Variants in PLCE1 observed in about 807,000 individuals in gnomAD.
PLCE1 encodes the protein phospholipase C epsilon 1.
A neutral mutation model predicts 242.8 loss-of-function variants in PLCE1; 119 were observed. That is an observed-to-expected ratio of 0.49 (90% CI 0.42 to 0.57). The LOEUF (loss-of-function observed/expected upper bound fraction) is 0.57. Ranked by LOEUF, PLCE1 falls within the 20% of genes least tolerant of loss-of-function variation. The pLI, the probability that PLCE1 is intolerant of heterozygous loss-of-function variation, is 0.00. For synonymous variants in PLCE1, 945 were observed against 1,017.4 expected, an observed-to-expected ratio of 0.93 and a Z score of 1.35; for missense variants, 2,441 against 2,788.8, an observed-to-expected ratio of 0.88 and a Z score of 2.81.
intron 14 of PLCE1, among the ~76,000 whole-genome samples, chr10:94,263,778 CATATT>C (rs1211221840): frequency 4.6e-5 from 7 of 151,942 alleles, no homozygotes; most frequent in East Asian, 1.9e-4. Flanking sequence ...TTTTCTTTAA[CATATT>C]ATATGTTCTT....
At chr10:94,220,596 T>G (rs1351530699) in intron 4 of PLCE1, among the ~76,000 whole-genome samples, 1 of 151,494 alleles carries the variant, frequency 6.6e-6, no homozygotes, top group Non-Finnish European at 1.5e-5. Context: ...AGTTAGGAAG[T>G]GGGATTTAGA....
chr10:94,231,795 T>G (rs1184167094), intron 5 of PLCE1, among the ~76,000 whole-genome samples: 2 of 152,146 alleles, frequency 1.3e-5, no homozygotes, highest in African/African-American at 2.4e-5. Context: ...ACATGCACAG[T>G]TCACAGTAGG....
chr10:94,171,804 C>G (rs2047988975), intron 4 of PLCE1, among the ~76,000 whole-genome samples: 1 of 152,112 alleles, frequency 6.6e-6, no homozygotes, highest in South Asian at 2.1e-4. Flanking sequence ...TCTCCCCTAC[C>G]AACCCCTCAT....
intron 29 of PLCE1, among the ~76,000 whole-genome samples, chr10:94,317,401 T>C (rs2053613099): frequency 6.6e-6 from 1 of 152,216 alleles, no homozygotes; most frequent in South Asian, 2.1e-4. Flanking sequence ...TTTGTATGTG[T>C]GAAAAGACAT....
At chr10:94,264,827 T>A (rs2051455400) in intron 14 of PLCE1, among the ~76,000 whole-genome samples, 1 of 152,130 alleles carries the variant, frequency 6.6e-6, no homozygotes. Flanking sequence ...GCTGATTTAT[T>A]TTTTATGAGA....
In PLCE1 at chr10:94,264,512, A is replaced by ATTTTTT. The variant is rs59860171; in HGVS notation, c.4054-1113_4054-1108dup. On this transcript the variant is annotated intron_variant, in intron 14 of 32. Coordinates refer to ENST00000371380, the MANE Select transcript of PLCE1 (RefSeq NM_016341.4). ...TTGAGCAGGGGAGTAACATGATTTG[A>ATTTTTT]TTTTTTTTTTTTTTTTTTTTTTTTT... Among the ~76,000 whole-genome samples, 12 of 73,104 alleles carry ATTTTTT rather than the reference A, an allele frequency of 1.6e-4. 1 individual carries two copies. Among genetic ancestry groups the ATTTTTT allele is most frequent in the East Asian group, 1.0e-3 (2 of 2,002 alleles). 48.0% of individuals were successfully genotyped at this position (73,104 alleles called of 152,430 possible).
intron 7 of PLCE1, among the ~76,000 whole-genome samples, chr10:94,237,767 A>C (rs187999549): frequency 6.6e-6 from 1 of 152,164 alleles, no homozygotes; most frequent in Non-Finnish European, 1.5e-5. Flanking sequence ...ATCAGTAAGC[A>C]CTATTTCTGT....
At chr10:94,195,166 T>G (rs1432433092) in intron 4 of PLCE1, among the ~76,000 whole-genome samples, 1 of 152,200 alleles carries the variant, frequency 6.6e-6, no homozygotes, top group Non-Finnish European at 1.5e-5. Context: ...TTTGCTAGCA[T>G]GAATAAAACC....
intron 2 of PLCE1, among the ~76,000 whole-genome samples, chr10:94,128,180 G>T (rs2046491492): frequency 6.6e-6 from 1 of 152,032 alleles, no homozygotes; most frequent in Admixed American, 6.6e-5. Flanking sequence ...TAGAGACGGG[G>T]TTTTACCGTG....
intron 30 of PLCE1, 136 bp downstream of exon 30, chr10:94,322,195 T>C: frequency 2.4e-6 from 2 of 838,572 alleles, no homozygotes; most frequent in Admixed American, 4.0e-5. Flanking sequence ...GTGTGCCTCT[T>C]AAGGCTGGGA....
chr10:94,291,214 C>A (rs2052633532), intron 22 of PLCE1, among the ~76,000 whole-genome samples: 1 of 152,022 alleles, frequency 6.6e-6, no homozygotes, highest in African/African-American at 2.4e-5. Context: ...GCCTCAAACT[C>A]CTGGGCTCAA....
chr10:94,259,574 C>T (rs965960394), intron 13 of PLCE1, among the ~76,000 whole-genome samples: 3 of 152,200 alleles, frequency 2.0e-5, no homozygotes, highest in Non-Finnish European at 4.4e-5. Context: ...TGAGCCACCT[C>T]ACCTGGCCAA....
At chr10:94,296,344 C>A (rs998073502) in intron 23 of PLCE1, among the ~76,000 whole-genome samples, 1 of 140,630 alleles carries the variant, frequency 7.1e-6, no homozygotes, top group Admixed American at 7.6e-5. Flanking sequence ...CCAACTTGGG[C>A]GACAGAGCAA....
intron 11 of PLCE1, 69 bp from the exon 12 acceptor site, chr10:94,258,730 CA>C: frequency 6.2e-7 from 1 of 1,600,652 alleles, no homozygotes; most frequent in South Asian, 1.1e-5. Flanking sequence ...CTAATTGGAG[CA>C]AGTCTGGTGG....
intron 5 of PLCE1, among the ~76,000 whole-genome samples, chr10:94,227,683 C>A (rs2049994627): frequency 6.6e-6 from 1 of 152,204 alleles, no homozygotes; most frequent in Non-Finnish European, 1.5e-5. Context: ...CTGCTGTGAT[C>A]CTGTGTTCTT....
intron 2 of PLCE1, among the ~76,000 whole-genome samples, chr10:94,093,157 A>C (rs1487897365): frequency 6.6e-6 from 1 of 152,246 alleles, no homozygotes; most frequent in Non-Finnish European, 1.5e-5. Flanking sequence ...AAAGTCTAGC[A>C]GCCCCCTAAA....
chr10:94,089,429 C>T (rs1323542443), intron 2 of PLCE1: 1 of 1,409,136 alleles, frequency 7.1e-7, no homozygotes, highest in Non-Finnish European at 9.7e-7. Context: ...TGCATGGAAT[C>T]CTGGGGACTG....
At chr10:94,154,773 T>G (rs367786075) in intron 3 of PLCE1, among the ~76,000 whole-genome samples, 3 of 151,930 alleles carry the variant, frequency 2.0e-5, no homozygotes, top group African/African-American at 7.2e-5. Context: ...GCATGGTGAC[T>G]CACGCCTGTA....
In PLCE1 at chr10:94,324,971, G is replaced by A. The variant is rs886039892; in HGVS notation, c.6800G>A (p.Arg2267Gln). ...CTCACCAAGTCAACTAAACAGCCCC[G>A]AGGACTTACATCACCTTCTCAGCTC... ...KKLTKSTKQPRGLTSPSQLLT... is the reference protein window; with the variant it reads ...KKLTKSTKQPQGLTSPSQLLT... Residue 2267 changes from arginine to glutamine, a missense_variant, in exon 32 of 33, where the codon CGA becomes CAA. By Grantham distance (43) the Arg-to-Gln change is conservative. Around this residue, in one of 5 missense-constraint regions of PLCE1, gnomAD observed 310 missense variants for 317.2 expected, o/e 0.98. Transcript: ENST00000371380. 3.5e-5 allele frequency: 57 copies of A among 1,613,990 alleles called. No individual in the cohort carries two copies. Among genetic ancestry groups the A allele is most frequent in the African/African-American group, 6.7e-5 (5 of 74,906 alleles).
Sources: allele counts gnomAD v4.1 joint callset (sites outside exome capture counted in the v4.1 genomes callset), GRCh38; gene constraint gnomAD v4.1.1; regional missense constraint gnomAD v4.1.1; transcripts MANE v1.5; gene names NCBI Gene and HGNC (gene_info 2026-07-23, HGNC 2026-07-21).